The following ERBB4 variants were observed in gnomAD, a reference collection of about 807,000 sequenced individuals.
ERBB4 encodes erb-b2 receptor tyrosine kinase 4, also known as receptor tyrosine-protein kinase erbB-4.
Under a neutral mutation model 158.0 loss-of-function variants are expected in ERBB4, and 42 were observed. The ratio of observed to expected loss-of-function variants is 0.27; its 90% CI spans 0.21 to 0.34. The LOEUF (loss-of-function observed/expected upper bound fraction) is 0.34, where lower values mean the gene tolerates loss of function less well. ERBB4 is among the 10% of genes least tolerant of loss of function. The pLI, the probability that ERBB4 is intolerant of heterozygous loss-of-function variation, is 1.00. For missense variants in ERBB4, 1,333 were observed against 1,624.1 expected, an observed-to-expected ratio of 0.82 and a Z score of 3.08; for synonymous variants, 583 against 558.7, an observed-to-expected ratio of 1.04 and a Z score of -0.61.
chr2:212,331,087 TGCC>T (rs2088142860), intron 1 of ERBB4, among the ~76,000 whole-genome samples: 5 of 112,106 alleles, frequency 4.5e-5, no homozygotes, highest in Non-Finnish European at 9.9e-5. Flanking sequence ...TATATATATA[TGCC>T]CATAACACTT....
chr2:211,894,467 C>T (rs984431839), intron 3 of ERBB4, among the ~76,000 whole-genome samples: 9 of 146,958 alleles, frequency 6.1e-5, no homozygotes, highest in Admixed American at 2.7e-4. Context: ...TGCTAGATGA[C>T]GAGTTAGTGG....
At chr2:211,995,777 T>C (rs1178635199) in intron 2 of ERBB4, among the ~76,000 whole-genome samples, 1 of 152,162 alleles carries the variant, frequency 6.6e-6, no homozygotes, top group African/African-American at 2.4e-5. Flanking sequence ...TCAGTTGTAA[T>C]GTGACTTCAC....
intron 5 of ERBB4, among the ~76,000 whole-genome samples, chr2:211,730,148 G>T (rs770974975): frequency 6.6e-6 from 1 of 151,812 alleles, no homozygotes; most frequent in Non-Finnish European, 1.5e-5. Context: ...TCACTAATAA[G>T]AACTATGGCT....
chr2:212,194,185 G>A (rs2082355351), intron 1 of ERBB4, among the ~76,000 whole-genome samples: 1 of 151,492 alleles, frequency 6.6e-6, no homozygotes, highest in African/African-American at 2.4e-5. Context: ...TCTGCAAGAC[G>A]GACAGAATAG....
intron 1 of ERBB4, among the ~76,000 whole-genome samples, chr2:212,271,989 C>T (rs1458268464): frequency 6.6e-6 from 1 of 151,656 alleles, no homozygotes; most frequent in East Asian, 1.9e-4. Context: ...TAACTGGTTA[C>T]CAATTAACAT....
At chr2:211,498,330 C>A (rs1165301869) in intron 20 of ERBB4, among the ~76,000 whole-genome samples, 1 of 152,078 alleles carries the variant, frequency 6.6e-6, no homozygotes. Context: ...GGAAATATTA[C>A]ACTAGAAGAG....
At chr2:212,254,388 A>G (rs1361332415) in intron 1 of ERBB4, among the ~76,000 whole-genome samples, 1 of 152,202 alleles carries the variant, frequency 6.6e-6, no homozygotes, top group Non-Finnish European at 1.5e-5. Flanking sequence ...CACAGAGGAA[A>G]CAAACAACTC....
At chr2:212,276,973 T>G (rs1211970205) in intron 1 of ERBB4, among the ~76,000 whole-genome samples, 2 of 151,724 alleles carry the variant, frequency 1.3e-5, no homozygotes, top group Non-Finnish European at 2.9e-5. Context: ...TTAGCATAAT[T>G]AAGACAAGCC....
chr2:211,718,999 A>G (rs192131951), intron 7 of ERBB4, among the ~76,000 whole-genome samples: 4 of 152,328 alleles, frequency 2.6e-5, no homozygotes, highest in South Asian at 2.1e-4. Context: ...TTTCTGCTGG[A>G]TGGCTTTTTA....
At chr2:211,393,770 TGTGTGTGTG>T (rs1417076319) in intron 25 of ERBB4, among the ~76,000 whole-genome samples, 2 of 151,308 alleles carry the variant, frequency 1.3e-5, no homozygotes, top group Admixed American at 1.3e-4. Context: ...TGTGTGTGTG[TGTGTGTGTG>T]TGTGTATTTT....
At chr2:211,987,999 G>A (rs1201086087) in intron 2 of ERBB4, among the ~76,000 whole-genome samples, 1 of 151,880 alleles carries the variant, frequency 6.6e-6, no homozygotes, top group Admixed American at 6.6e-5. Context: ...ACAAATTTCT[G>A]GTATTTATAA....
chr2:212,287,050 A>G (rs2106167445), intron 1 of ERBB4, among the ~76,000 whole-genome samples: 1 of 151,848 alleles, frequency 6.6e-6, no homozygotes, highest in African/African-American at 2.4e-5. Flanking sequence ...CGCTGACACA[A>G]CGACCTTGCT....
chr2:211,470,887 G>A (rs1027748486), intron 20 of ERBB4, among the ~76,000 whole-genome samples: 4 of 152,212 alleles, frequency 2.6e-5, no homozygotes, highest in African/African-American at 9.6e-5. Flanking sequence ...ATTTGCTGCT[G>A]CTGCATCCGG....
At chr2:211,678,318 C>CAAAAAAAAAAAAAAAAAAA (rs60505220) in intron 13 of ERBB4, among the ~76,000 whole-genome samples, 1 of 144,358 alleles carries the variant, frequency 6.9e-6, no homozygotes. Flanking sequence ...AACAAACAAA[C>CAAAAAAAAAAAAAAAAAAA]AAAAAAAAAA....
intron 1 of ERBB4, among the ~76,000 whole-genome samples, chr2:212,341,340 G>A: frequency 6.6e-6 from 1 of 151,896 alleles, no homozygotes. Flanking sequence ...TAACAATTTT[G>A]AAAATATCCA....
chr2:211,615,832 T>C (rs1029216278), intron 19 of ERBB4, among the ~76,000 whole-genome samples: 2 of 152,086 alleles, frequency 1.3e-5, no homozygotes, highest in Non-Finnish European at 2.9e-5. Context: ...GAGTAGTGGT[T>C]ATTGAATCTA....
chr2:211,393,838 T>C (rs939254892), intron 25 of ERBB4, among the ~76,000 whole-genome samples: 4 of 151,938 alleles, frequency 2.6e-5, no homozygotes, highest in Non-Finnish European at 5.9e-5. Flanking sequence ...GTTGTGTATA[T>C]ATACATTTAC....
At chr2:212,517,144 A>C (rs1370609137) in intron 1 of ERBB4, among the ~76,000 whole-genome samples, 2 of 152,124 alleles carry the variant, frequency 1.3e-5, no homozygotes. Context: ...GAAAGAATTT[A>C]AAGGCCTTAA....
intron 19 of ERBB4, among the ~76,000 whole-genome samples, chr2:211,588,543 G>T (rs1011404759): frequency 4.6e-5 from 7 of 151,910 alleles, no homozygotes; most frequent in Non-Finnish European, 8.8e-5. Flanking sequence ...TATTACTATT[G>T]TAACTACATT....
Sources: gnomAD v4.1 joint callset for allele counts (sites outside exome capture counted in the v4.1 genomes callset) on GRCh38, gnomAD v4.1.1 for gene constraint, MANE v1.5 for transcripts, NCBI Gene and HGNC (gene_info 2026-07-23, HGNC 2026-07-21) for gene names.